SLC25A14: variants seen among roughly 807,000 people sequenced by gnomAD.
SLC25A14 encodes solute carrier family 25 member 14, also known as brain mitochondrial carrier protein 1.
SLC25A14 carries 8 observed loss-of-function variants against 28.1 expected under a neutral mutation model. That is an observed-to-expected ratio of 0.28 (90% confidence interval 0.17 to 0.51). SLC25A14 has a LOEUF of 0.51. Among genes scored for constraint, SLC25A14 ranks in the 20% least tolerant of loss-of-function variants. The probability of loss-of-function intolerance (pLI) is 0.97; values close to 1 mark genes in which losing one functional copy is unlikely to be tolerated. For missense variants in SLC25A14, 135 were observed against 263.8 expected, an observed-to-expected ratio of 0.51 and a Z score of 3.38; for synonymous variants, 74 against 90.6, an observed-to-expected ratio of 0.82 and a Z score of 1.04.
At chrX:130,356,425 C>T (rs1024414376) in intron 6 of SLC25A14, among the ~76,000 whole-genome samples, 3 of 109,219 alleles carry the variant, frequency 2.7e-5, no homozygotes, top group South Asian at 4.0e-4. Context: ...GACGGGGTTT[C>T]GCCATGTTGG....
At chrX:130,351,518 T>C (rs2033622039) in intron 6 of SLC25A14, among the ~76,000 whole-genome samples, 1 of 112,108 alleles carries the variant, frequency 8.9e-6, no homozygotes, top group Non-Finnish European at 1.9e-5. Flanking sequence ...TCTTTTAATA[T>C]AAATTTTCAT....
intron 9 of SLC25A14, among the ~76,000 whole-genome samples, chrX:130,370,211 C>T (rs1486928864): frequency 8.9e-6 from 1 of 112,051 alleles, no homozygotes; most frequent in African/African-American, 3.2e-5. Flanking sequence ...TATTATTTTA[C>T]TGTTTGTTCC....
intron 9 of SLC25A14, among the ~76,000 whole-genome samples, chrX:130,368,483 C>T (rs1011375669): frequency 1.8e-5 from 2 of 111,993 alleles, no homozygotes; most frequent in Non-Finnish European, 3.8e-5. Flanking sequence ...ACCAAAATGT[C>T]CCTGTGTTTA....
In SLC25A14 at chrX:130,346,594, A is replaced by T; in HGVS notation, c.220A>T (p.Ser74Cys). 1 of 1,206,534 alleles carries T rather than the reference A, an allele frequency of 8.3e-7. No individual in the cohort carries two copies. Among genetic ancestry groups the T allele is most frequent in the Non-Finnish European group, 1.1e-6 (1 of 890,609 alleles). The change falls in exon 4 of 11, where the codon AGC becomes TGC. Residue 74 changes from serine to cysteine, a missense_variant. Transcript: ENST00000545805. ...TKTRLQVQGQ[S>C]IDARFKEIKY... is the part of the protein sequence containing the mutation. ...AACACGACTTCAGGTTCAAGGCCAA[A>T]GCATTGATGCCCGTTTCAAAGAGAT...
Position 130,373,292 on chromosome X carries a change from G to A in SLC25A14, c.*342G>A. The A allele has an allele frequency of 5.1e-6, 1 of 197,190 alleles. No individual in the cohort carries two copies. The allele number at this position is 197,190 out of a possible 1,213,427, so 16.3% of individuals were successfully genotyped here. A position where few individuals can be genotyped will look rare whatever the true frequency, so the allele number is the denominator to read the frequency against. On this transcript the variant is annotated 3_prime_UTR_variant, in exon 11 of 11. Transcript: ENST00000545805. ...GACTTGGGCTAGAGCAGAAGGCATA[G>A]GCCAGGGTGGTTATTGCTATATGTG... is the stretch of plus-strand genomic sequence containing the variant.
rs1353763463 is a variant in SLC25A14, at chrX:130,365,588, T to C, written c.767T>C (p.Val256Ala). 3 of 1,209,733 alleles carry C rather than the reference T, an allele frequency of 2.5e-6. No individual in the cohort carries two copies. Among genetic ancestry groups the C allele is most frequent in the Admixed American group, 2.2e-5 (1 of 45,715 alleles). Residue 256 changes from valine (V) to alanine (A), a missense_variant, in exon 9 of 11, where the codon GTT (valine) becomes GCT (alanine). By Grantham distance (64) the Val-to-Ala change is moderately conservative. Coordinates refer to ENST00000545805, the MANE Select transcript of SLC25A14 (RefSeq NM_001282195.2). ...GLAGALASNP[V>A]DVVRTRMMNQ... ...GCTGGGGCTCTGGCCTCCAACCCGG[T>C]TGATGTGGTTCGAACTCGCATGATG...
intron 8 of SLC25A14, chrX:130,365,295 CTTG>C: frequency 1.1e-6 from 1 of 932,382 alleles, no homozygotes; most frequent in Non-Finnish European, 1.3e-6. Context: ...ACTTAGGAAT[CTTG>C]TTAGGTTTAG....
intron 2 of SLC25A14, among the ~76,000 whole-genome samples, 160 bp downstream of exon 2, chrX:130,340,513 T>G (rs768588471): frequency 7.0e-4 from 78 of 111,984 alleles, no homozygotes; most frequent in African/African-American, 2.3e-3. Flanking sequence ...TCAACATGAA[T>G]TAGTTTCTCA....
intron 6 of SLC25A14, among the ~76,000 whole-genome samples, chrX:130,358,387 A>G (rs2033859473): frequency 8.9e-6 from 1 of 112,070 alleles, no homozygotes; most frequent in Admixed American, 9.5e-5. Context: ...TTCTAGCTCC[A>G]GAAATAATAG....
chrX:130,365,756 C>A, intron 9 of SLC25A14, 80 bp downstream of exon 9: 1 of 667,540 alleles, frequency 1.5e-6, no homozygotes, highest in Non-Finnish European at 2.3e-6. Flanking sequence ...TTATTAGTTG[C>A]TACATACCAT....
At chrX:130,371,735 G>A (rs756778490) in intron 10 of SLC25A14, 91 bp downstream of exon 10, 26 of 622,932 alleles carry the variant, frequency 4.2e-5, no homozygotes, top group Non-Finnish European at 6.7e-5. Flanking sequence ...AGCCTTTTAG[G>A]CTAGTGAGAA....
chrX:130,365,023 A>G, intron 8 of SLC25A14: 3 of 346,756 alleles, frequency 8.7e-6, no homozygotes, highest in Non-Finnish European at 1.1e-5. Flanking sequence ...TAGCTTCTAT[A>G]TCTAATAAGC....
chrX:130,351,400 T>C (rs1293752031), intron 6 of SLC25A14, among the ~76,000 whole-genome samples: 1 of 111,478 alleles, frequency 9.0e-6, no homozygotes, highest in Non-Finnish European at 1.9e-5. Flanking sequence ...TGGCCTGTAT[T>C]GGAATATTCT....
chrX:130,371,374 A>G (rs973256538), intron 9 of SLC25A14, among the ~76,000 whole-genome samples, 190 bp from the exon 10 acceptor site: 2 of 111,176 alleles, frequency 1.8e-5, no homozygotes, highest in Non-Finnish European at 3.8e-5. Context: ...GGTGCTTTGC[A>G]TATGTATGGT....
At chrX:130,358,329 A>AT (rs1340555292) in intron 6 of SLC25A14, among the ~76,000 whole-genome samples, 1 of 111,740 alleles carries the variant, frequency 8.9e-6, no homozygotes, top group African/African-American at 3.2e-5. Context: ...TAAATGAGTC[A>AT]TTTTTTAGTC....
At chrX:130,361,586 C>A (rs2033966866) in intron 7 of SLC25A14, among the ~76,000 whole-genome samples, 1 of 112,548 alleles carries the variant, frequency 8.9e-6, no homozygotes, top group African/African-American at 3.2e-5. Flanking sequence ...GAAAACATTT[C>A]ACTTTCTTCC....
At chrX:130,368,671 G>A (rs972255137) in intron 9 of SLC25A14, among the ~76,000 whole-genome samples, 2 of 112,591 alleles carry the variant, frequency 1.8e-5, no homozygotes, top group Non-Finnish European at 3.7e-5. Flanking sequence ...TGTACATAGA[G>A]TATATCCTTT....
rs1250309499 is a variant in SLC25A14, at chrX:130,346,393, G to T, written c.170-151G>T. The T allele has an allele frequency of 8.6e-6, 4 of 465,712 alleles. No individual in the cohort carries two copies. In the African/African-American group the frequency reaches 9.6e-5, roughly 11 times the overall value. 38.4% of individuals were successfully genotyped at this position (465,712 alleles called of 1,213,427 possible). A position where few individuals can be genotyped will look rare whatever the true frequency, so the allele number is the denominator to read the frequency against. ...ATTTCACTTACCACATGCAACTCAT[G>T]TTCTCTGACAGTGGTATTCTACTAG... On this transcript the variant is annotated intron_variant, in intron 3 of 10. Coordinates refer to ENST00000545805, the MANE Select transcript of SLC25A14 (RefSeq NM_001282195.2).
At chrX:130,356,629 G>A (rs1299907242) in intron 6 of SLC25A14, among the ~76,000 whole-genome samples, 1 of 111,238 alleles carries the variant, frequency 9.0e-6, no homozygotes, top group African/African-American at 3.3e-5. Flanking sequence ...CATTATTTCT[G>A]TTCACGTTCC....
Sources: gnomAD v4.1 joint callset for allele counts (sites outside exome capture counted in the v4.1 genomes callset) on GRCh38, gnomAD v4.1.1 for gene constraint, MANE v1.5 for transcripts, NCBI Gene and HGNC (gene_info 2026-07-23, HGNC 2026-07-21) for gene names.